Variants in CDYL2 observed in about 807,000 individuals in gnomAD.
The protein encoded by CDYL2 is chromodomain Y like 2.
Under a neutral mutation model 49.4 loss-of-function variants are expected in CDYL2, and 23 were observed. The ratio of observed to expected loss-of-function variants is 0.47; its 90% confidence interval spans 0.34 to 0.66. The LOEUF is 0.66. Ranked by LOEUF, CDYL2 falls within the 30% of genes least tolerant of loss-of-function variation. The probability of loss-of-function intolerance (pLI) is 0.01; values close to 1 mark genes in which losing one functional copy is unlikely to be tolerated. For missense variants in CDYL2, 678 were observed against 656.4 expected, an observed-to-expected ratio of 1.03 and a Z score of -0.36; for synonymous variants, 360 against 268.8, an observed-to-expected ratio of 1.34 and a Z score of -3.32.
chr16:80,607,959 A>G (rs1906417008), intron 6 of CDYL2, 133 bp downstream of exon 6: 6 of 1,052,802 alleles, frequency 5.7e-6, no homozygotes. Flanking sequence ...GGCATTTGTT[A>G]AATTGCAAAG....
intron 2 of CDYL2, among the ~76,000 whole-genome samples, chr16:80,653,737 T>C (rs1338347744): frequency 6.6e-6 from 1 of 152,190 alleles, no homozygotes; most frequent in Non-Finnish European, 1.5e-5. Flanking sequence ...TTAAAGAATA[T>C]GTTTTAGGAA....
intron 1 of CDYL2, among the ~76,000 whole-genome samples, chr16:80,725,921 T>A (rs1905148898): frequency 1.3e-5 from 2 of 152,174 alleles, no homozygotes; most frequent in African/African-American, 4.8e-5. Context: ...GGGCATGAAG[T>A]TTTCATCTTC....
At chr16:80,638,146 C>T (rs1005571863) in intron 2 of CDYL2, among the ~76,000 whole-genome samples, 2 of 152,066 alleles carry the variant, frequency 1.3e-5, no homozygotes, top group East Asian at 1.9e-4. Flanking sequence ...GCTATCACAG[C>T]TCACTGCAGC....
At chr16:80,778,394 TA>T (rs766773616) in intron 1 of CDYL2, among the ~76,000 whole-genome samples, 5 of 151,954 alleles carry the variant, frequency 3.3e-5, no homozygotes, top group Non-Finnish European at 7.4e-5. Flanking sequence ...CTATCTTATA[TA>T]AAATTATAAC....
intron 1 of CDYL2, among the ~76,000 whole-genome samples, chr16:80,710,039 T>C (rs1317203020): frequency 6.6e-5 from 10 of 152,120 alleles, no homozygotes; most frequent in Admixed American, 6.6e-4. Context: ...GTGATTCTCC[T>C]GCTTCAGCCT....
chr16:80,741,170 A>C (rs1012098924), intron 1 of CDYL2, among the ~76,000 whole-genome samples: 1 of 150,068 alleles, frequency 6.7e-6, no homozygotes, highest in Non-Finnish European at 1.5e-5. Flanking sequence ...TAATATATAT[A>C]TAACATGTAC....
At chr16:80,674,020 C>T (rs1398511184) in intron 2 of CDYL2, among the ~76,000 whole-genome samples, 2 of 152,302 alleles carry the variant, frequency 1.3e-5, no homozygotes, top group East Asian at 3.9e-4. Context: ...AGAAGGAGCA[C>T]AGCCCTGCCA....
At chr16:80,775,050 C>T (rs1907036522) in intron 1 of CDYL2, among the ~76,000 whole-genome samples, 1 of 151,864 alleles carries the variant, frequency 6.6e-6, no homozygotes. Context: ...TATATTATAT[C>T]TTCATTTCTT....
intron 6 of CDYL2, 126 bp from the exon 7 acceptor site, chr16:80,604,672 C>T: frequency 1.1e-6 from 1 of 917,142 alleles, no homozygotes; most frequent in East Asian, 2.4e-5. Context: ...CCTCCTCCAG[C>T]CTGGGCCTTC....
At chr16:80,670,290 G>T (rs375987032) in intron 2 of CDYL2, among the ~76,000 whole-genome samples, 614 of 52,716 alleles carry the variant, frequency 0.012, 4 homozygotes, top group African/African-American at 0.019. Flanking sequence ...ACTGGATCAC[G>T]GGGGGCGGTT....
chr16:80,710,740 T>TACACAC (rs775518236), intron 1 of CDYL2, among the ~76,000 whole-genome samples: 1 of 150,992 alleles, frequency 6.6e-6, no homozygotes, highest in South Asian at 2.1e-4. Context: ...TAATACTGCT[T>TACACAC]ACACACACAC....
In CDYL2 at chr16:80,654,163, T is replaced by C. The variant is rs377503516; in HGVS notation, c.617-20927A>G. ...AGGAGACGCAGACAGGCACTGACCA[T>C]GTGCTCAGCGCTCTGCCGGGCTGGG... On this transcript the variant is annotated intron_variant, in intron 2 of 6. Transcript: ENST00000570137. 1.1e-3 allele frequency among the ~76,000 whole-genome samples: 171 copies of C among 152,294 alleles called. 1 individual carries two copies. Among genetic ancestry groups the C allele is most frequent in the South Asian group, 8.3e-3 (40 of 4,828 alleles).
chr16:80,676,404 G>C (rs1489861564), intron 2 of CDYL2, among the ~76,000 whole-genome samples: 3 of 152,160 alleles, frequency 2.0e-5, no homozygotes, highest in Non-Finnish European at 4.4e-5. Context: ...GGATACCTGT[G>C]CTGACAAGAG....
intron 2 of CDYL2, chr16:80,639,573 G>A: frequency 2.4e-6 from 1 of 419,788 alleles, no homozygotes; most frequent in South Asian, 1.8e-5. Context: ...AGGCTCCATG[G>A]ATTGTACCCT....
chr16:80,608,793 A>G (rs1164780496), intron 5 of CDYL2, among the ~76,000 whole-genome samples: 1 of 149,934 alleles, frequency 6.7e-6, no homozygotes, highest in Non-Finnish European at 1.5e-5. Flanking sequence ...AAATAGGGGA[A>G]GAGAGAGAGA....
intron 1 of CDYL2, among the ~76,000 whole-genome samples, chr16:80,730,515 C>A (rs1249368866): frequency 2.0e-5 from 3 of 152,006 alleles, no homozygotes; most frequent in Non-Finnish European, 4.4e-5. Context: ...CCGAATTCTA[C>A]CAGAGGTACA....
intron 1 of CDYL2, among the ~76,000 whole-genome samples, chr16:80,778,711 G>C (rs1340450260): frequency 6.6e-6 from 1 of 151,808 alleles, no homozygotes; most frequent in Non-Finnish European, 1.5e-5. Context: ...TTTATCAACA[G>C]AAATAAACAA....
chr16:80,802,972 T>C (rs986295716), intron 1 of CDYL2, among the ~76,000 whole-genome samples: 5 of 152,242 alleles, frequency 3.3e-5, no homozygotes, highest in Non-Finnish European at 5.9e-5. Context: ...AACCAATTTA[T>C]GTTCCGGGAA....
chr16:80,791,735 T>C (rs1024585065), intron 1 of CDYL2, among the ~76,000 whole-genome samples: 5 of 152,278 alleles, frequency 3.3e-5, no homozygotes, highest in Admixed American at 2.0e-4. Context: ...CTGGATTGAA[T>C]ACATGCTGTA....
Sources: allele counts gnomAD v4.1 joint callset (sites outside exome capture counted in the v4.1 genomes callset), GRCh38; gene constraint gnomAD v4.1.1; transcripts MANE v1.5; gene names NCBI Gene and HGNC (gene_info 2026-07-23, HGNC 2026-07-21).